The following RNGTT variants were observed in gnomAD, a reference collection of about 807,000 sequenced individuals.
RNGTT encodes RNA guanylyltransferase and 5'-phosphatase, also known as mRNA-capping enzyme.
A neutral mutation model predicts 79.3 loss-of-function variants in RNGTT; 33 were observed. That is an observed-to-expected ratio of 0.42 (90% CI 0.32 to 0.56). The LOEUF is 0.56. Ranked by LOEUF, RNGTT falls within the 20% of genes least tolerant of loss-of-function variation. The pLI is 0.17. For missense variants in RNGTT, 497 were observed against 739.1 expected (o/e 0.67, Z 3.80); for synonymous variants, 222 against 235.9 (o/e 0.94, Z 0.54).
intron 12 of RNGTT, among the ~76,000 whole-genome samples, chr6:88,774,456 A>G (rs1778804572): frequency 1.3e-5 from 2 of 152,146 alleles, no homozygotes; most frequent in Non-Finnish European, 2.9e-5. Flanking sequence ...CATGACCCGG[A>G]AGGTCCATTT....
At chr6:88,774,225 A>G (rs1427280814) in intron 12 of RNGTT, among the ~76,000 whole-genome samples, 2 of 152,188 alleles carry the variant, frequency 1.3e-5, no homozygotes, top group Non-Finnish European at 2.9e-5. Context: ...GATGTTCACT[A>G]TCATTAATCA....
chr6:88,641,745 G>A (rs570895941), intron 14 of RNGTT, among the ~76,000 whole-genome samples: 1 of 152,274 alleles, frequency 6.6e-6, no homozygotes, highest in Admixed American at 6.5e-5. Flanking sequence ...AGATTTTTGA[G>A]TAAAGGCAGC....
intron 8 of RNGTT, among the ~76,000 whole-genome samples, chr6:88,879,510 T>C (rs1472762492): frequency 6.6e-6 from 1 of 152,176 alleles, no homozygotes; most frequent in Non-Finnish European, 1.5e-5. Context: ...AGTCACGAAG[T>C]GTATTTGTTA....
At chr6:88,841,991 C>G (rs575349504) in intron 11 of RNGTT, among the ~76,000 whole-genome samples, 52 of 152,242 alleles carry the variant, frequency 3.4e-4, no homozygotes, top group African/African-American at 1.2e-3. Context: ...ATAAGGAGAG[C>G]AGAGCTTTAT....
intron 14 of RNGTT, among the ~76,000 whole-genome samples, chr6:88,621,197 C>T (rs1484940990): frequency 6.6e-6 from 1 of 152,134 alleles, no homozygotes; most frequent in Non-Finnish European, 1.5e-5. Context: ...TTATGTCTAG[C>T]ACTTAGTGGA....
chr6:88,733,603 A>C (rs1395271462), intron 13 of RNGTT, among the ~76,000 whole-genome samples: 1 of 152,022 alleles, frequency 6.6e-6, no homozygotes, highest in Non-Finnish European at 1.5e-5. Flanking sequence ...AAGAAAAAAA[A>C]CAATCACCGA....
intron 14 of RNGTT, among the ~76,000 whole-genome samples, chr6:88,658,785 G>A (rs1774074784): frequency 1.3e-5 from 2 of 152,212 alleles, no homozygotes; most frequent in African/African-American, 2.4e-5. Flanking sequence ...TGGCCTCCAT[G>A]TTTCTCCTGT....
intron 13 of RNGTT, among the ~76,000 whole-genome samples, chr6:88,696,706 A>G (rs960799008): frequency 6.6e-6 from 1 of 152,050 alleles, no homozygotes; most frequent in African/African-American, 2.4e-5. Context: ...GGAAATTCTG[A>G]ATCTTACTTT....
intron 4 of RNGTT, among the ~76,000 whole-genome samples, chr6:88,915,987 T>C (rs1404378216): frequency 1.3e-5 from 2 of 152,204 alleles, no homozygotes; most frequent in Non-Finnish European, 2.9e-5. Context: ...AAACAAAATA[T>C]GTAAGACCAC....
In RNGTT at chr6:88,612,614, A is replaced by C; in HGVS notation, c.*105T>G. The C allele has an allele frequency of 1.6e-6, 2 of 1,249,420 alleles. No individual in the cohort carries two copies. Among genetic ancestry groups the C allele is most frequent in the South Asian group, 1.4e-5 (1 of 69,266 alleles). 77.4% of individuals were successfully genotyped at this position (1,249,420 alleles called of 1,614,324 possible). ...TTTAAAAAAAATTCAAATGTGTATCAACATCAAGCCACAGTCGTTTTTCAA... is the reference window on the plus strand; with the variant it reads ...TTTAAAAAAAATTCAAATGTGTATCCACATCAAGCCACAGTCGTTTTTCAA... On this transcript the variant is annotated 3_prime_UTR_variant, in exon 16 of 16. Transcript: ENST00000369485.
At chr6:88,761,333 T>C (rs989247521) in intron 13 of RNGTT, among the ~76,000 whole-genome samples, 8 of 151,504 alleles carry the variant, frequency 5.3e-5, no homozygotes, top group Non-Finnish European at 1.0e-4. Context: ...CTATTAAAAT[T>C]ATAAAAAATC....
At chr6:88,914,553 G>C (rs533047669) in intron 4 of RNGTT, among the ~76,000 whole-genome samples, 2 of 152,086 alleles carry the variant, frequency 1.3e-5, no homozygotes, top group South Asian at 4.1e-4. Context: ...CTCCCTATTC[G>C]ATAAAGTGTG....
At chr6:88,961,509 T>C (rs572009804) in intron 1 of RNGTT, among the ~76,000 whole-genome samples, 16 of 152,204 alleles carry the variant, frequency 1.1e-4, no homozygotes, top group Admixed American at 6.5e-4. Context: ...CAATCTCAGC[T>C]CACTGCAACC....
chr6:88,906,221 T>C lies in RNGTT; in HGVS notation c.443+144A>G, dbSNP rs185600517. On this transcript the variant is annotated intron_variant, in intron 5 of 15. Transcript: ENST00000369485. ...CACCAAGTAATGGTAGTATAAAGAT[T>C]AACCATATCTAAAATGAAAAGCAGT... 1,430 of 615,398 alleles carry C rather than the reference T, an allele frequency of 2.3e-3. 2 individuals carry two copies. The highest frequency in any genetic ancestry group is 4.0e-3 in the Admixed American group (127 of 31,424). The allele number at this position is 615,398 out of a possible 1,614,324, so 38.1% of individuals were successfully genotyped here. A position where few individuals can be genotyped will look rare whatever the true frequency, so the allele number is the denominator to read the frequency against.
chr6:88,771,305 G>GTA (rs1250744213), intron 12 of RNGTT, among the ~76,000 whole-genome samples: 2 of 58,016 alleles, frequency 3.4e-5, no homozygotes, highest in African/African-American at 7.6e-5. Flanking sequence ...ATGTATGTAT[G>GTA]TGTGTGTGTG....
At chr6:88,728,782 TCTC>T (rs1188751446) in intron 13 of RNGTT, among the ~76,000 whole-genome samples, 2 of 152,156 alleles carry the variant, frequency 1.3e-5, no homozygotes, top group African/African-American at 4.8e-5. Context: ...CGGAAGAATT[TCTC>T]CTCCTCTGTC....
At position 88,904,678 on chromosome 6, in the gene RNGTT, GA is replaced by G. The variant is rs751978610; in HGVS notation, c.684+36del. ...AATCTCAATAAGCTTGCAGAAAAAG[GA>G]AAAAAAAAACCTATTATAATATTTT... is the stretch of plus-strand genomic sequence containing the variant. On this transcript the variant is annotated intron_variant, in intron 6 of 15. Transcript: ENST00000369485. 3.2e-3 allele frequency: 4,489 copies of G among 1,419,978 alleles called. 15 individuals are homozygous for G. The highest frequency in any genetic ancestry group is 3.8e-3 in the Non-Finnish European group (3,990 of 1,057,724). The allele number at this position is 1,419,978 out of a possible 1,614,324, so 88.0% of individuals were successfully genotyped here.
chr6:88,784,023 T>C (rs931630614), intron 12 of RNGTT, among the ~76,000 whole-genome samples: 12 of 152,056 alleles, frequency 7.9e-5, no homozygotes, highest in South Asian at 6.2e-4. Context: ...TACAAAAAAC[T>C]GTGAAGAATT....
At chr6:88,623,841 T>C (rs1261389878) in intron 14 of RNGTT, among the ~76,000 whole-genome samples, 1 of 152,080 alleles carries the variant, frequency 6.6e-6, no homozygotes, top group Non-Finnish European at 1.5e-5. Context: ...AAGAGGCTCC[T>C]AGAACCAATA....
Sources: gnomAD v4.1 joint callset for allele counts (sites outside exome capture counted in the v4.1 genomes callset) on GRCh38, gnomAD v4.1.1 for gene constraint, MANE v1.5 for transcripts, NCBI Gene and HGNC (gene_info 2026-07-23, HGNC 2026-07-21) for gene names.